PCDHGA6: variants seen among roughly 807,000 people sequenced by gnomAD.
PCDHGA6 encodes protocadherin gamma subfamily A, 6.
PCDHGA6 carries 41 observed loss-of-function variants against 60.6 expected under a neutral mutation model. The observed-to-expected ratio is 0.68, with a 90% CI of 0.53 to 0.88. The LOEUF (loss-of-function observed/expected upper bound fraction) is 0.88. Among genes scored for constraint, PCDHGA6 ranks in the 40% least tolerant of loss-of-function variants. The pLI, the probability that PCDHGA6 is intolerant of heterozygous loss-of-function variation, is 0.00. For synonymous variants in PCDHGA6, 594 were observed against 524.4 expected (o/e 1.13, Z -1.81); for missense variants, 1,312 against 1,203.0 (o/e 1.09, Z -1.34).
chr5:141,439,443 G>A (rs867907022), intron 1 of PCDHGA6, among the ~76,000 whole-genome samples: 1 of 152,164 alleles, frequency 6.6e-6, no homozygotes, highest in Non-Finnish European at 1.5e-5. Flanking sequence ...ATATTTTATT[G>A]CGGGAGCAAG....
rs144585584 is a variant in PCDHGA6 at position 141,478,339 on chromosome 5, C to T, written c.2425-16468C>T. 998 of 1,613,918 alleles carry T rather than the reference C, an allele frequency of 6.2e-4. 16 individuals carry two copies. In the East Asian group the frequency reaches 0.019, roughly 31 times the overall value. Reference sequence around the variant, plus strand: ...CACTGTACCGAACACCAGGGCCCTCCTTGCACGCGGACGCCGTGCGGGGAG... The same window carrying T: ...CACTGTACCGAACACCAGGGCCCTCTTTGCACGCGGACGCCGTGCGGGGAG... On this transcript the variant is annotated intron_variant, in intron 1 of 3. Transcript: ENST00000517434.
intron 1 of PCDHGA6, among the ~76,000 whole-genome samples, chr5:141,453,193 A>G (rs2098757675): frequency 6.6e-6 from 1 of 152,142 alleles, no homozygotes; most frequent in Admixed American, 6.5e-5. Context: ...AGCTCACTGC[A>G]GCCTCAACCT....
At chr5:141,438,305 G>T (rs1287488865) in intron 1 of PCDHGA6, among the ~76,000 whole-genome samples, 2 of 151,822 alleles carry the variant, frequency 1.3e-5, no homozygotes, top group East Asian at 1.9e-4. Context: ...AAAGAAGTTG[G>T]TACCACCATA....
chr5:141,430,914 T>G (rs750607631), intron 1 of PCDHGA6: 1 of 1,607,676 alleles, frequency 6.2e-7, no homozygotes, highest in Non-Finnish European at 8.5e-7. Context: ...TCCAGGGACC[T>G]GGGGCTGGAG....
intron 1 of PCDHGA6, chr5:141,478,687 A>G: frequency 6.4e-7 from 1 of 1,551,218 alleles, no homozygotes; most frequent in Middle Eastern, 1.7e-4. Context: ...CCCTTCCTAG[A>G]TCAAAGTTAG....
At position 141,431,211 on chromosome 5, in the gene PCDHGA6, G is replaced by C. The variant is rs1054638121; in HGVS notation, c.2424+54704G>C. Reference sequence around the variant, plus strand: ...AGTGAAAATGCAGCCACTGAGATGCGGTTCCCTCTACCCCACGCCTGGGAT... The same window carrying C: ...AGTGAAAATGCAGCCACTGAGATGCCGTTCCCTCTACCCCACGCCTGGGAT... On this transcript the variant is annotated intron_variant, in intron 1 of 3. Coordinates refer to ENST00000517434, the MANE Select transcript of PCDHGA6 (RefSeq NM_018919.3). This position sits in a 1 kb window ranked among gnomAD's most constrained non-coding sequence, Gnocchi z 4.8. 1.2e-6 allele frequency: 2 copies of C among 1,614,122 alleles called. No individual in the cohort carries two copies. Among genetic ancestry groups the C allele is most frequent in the Non-Finnish European group, 1.7e-6 (2 of 1,180,036 alleles).
intron 1 of PCDHGA6, chr5:141,392,398 C>T (rs926356717): frequency 1.3e-5 from 2 of 155,550 alleles, no homozygotes; most frequent in African/African-American, 4.8e-5. Context: ...CATTTAATAA[C>T]ACTAAATAAA....
chr5:141,423,116 C>T (rs374000303), intron 1 of PCDHGA6: 210 of 1,613,682 alleles, frequency 1.3e-4, no homozygotes, highest in Middle Eastern at 4.9e-4. Context: ...GTGCGTACAG[C>T]GCGGGCACTG....
At chr5:141,386,929 A>G (rs1329848875) in intron 1 of PCDHGA6, among the ~76,000 whole-genome samples, 1 of 152,216 alleles carries the variant, frequency 6.6e-6, no homozygotes, top group Non-Finnish European at 1.5e-5. Context: ...AAATAAGTGC[A>G]GAGGTAGGAA....
chr5:141,490,419 G>C lies in PCDHGA6; in HGVS notation c.2425-4388G>C. The C allele has an allele frequency of 6.2e-7, 1 of 1,614,170 alleles. No homozygotes were observed. Among genetic ancestry groups the C allele is most frequent in the Non-Finnish European group, 8.5e-7 (1 of 1,180,020 alleles). ...TGAGCCTTGATATCTCTCCGGACCT[G>C]CCATTTCAGATTAAGCCTTCTGAGA... On this transcript the variant is annotated intron_variant, in intron 1 of 3. Transcript: ENST00000517434. The surrounding 1 kb of genome is among the most constrained non-coding windows in gnomAD (Gnocchi z 5.4).
At chr5:141,419,904 C>G (rs2096446397) in intron 1 of PCDHGA6, 2 of 1,614,108 alleles carry the variant, frequency 1.2e-6, no homozygotes, top group Non-Finnish European at 1.7e-6. Flanking sequence ...CCCACACCCT[C>G]TGACTCCCAG....
chr5:141,453,545 A>T (rs2098768582), intron 1 of PCDHGA6, among the ~76,000 whole-genome samples: 1 of 151,998 alleles, frequency 6.6e-6, no homozygotes, highest in African/African-American at 2.4e-5. Flanking sequence ...TTCACACCAC[A>T]CTCTGTAGAT....
intron 1 of PCDHGA6, chr5:141,394,519 C>T: frequency 6.2e-7 from 1 of 1,614,240 alleles, no homozygotes; most frequent in Non-Finnish European, 8.5e-7. Flanking sequence ...GCCCTCCCCA[C>T]AGACGGTTCC....
chr5:141,487,477 C>A lies in PCDHGA6; in HGVS notation c.2425-7330C>A, dbSNP rs748435479. On this transcript the variant is annotated intron_variant, in intron 1 of 3. Transcript: ENST00000517434. The surrounding 1 kb of genome is among the most constrained non-coding windows in gnomAD (Gnocchi z 5.0). ...TCAAGTTTGTTGATGTGGGAGGCCA[C>A]TCTCATGGCTGTACACCCTTGGCTT... 1 of 1,614,200 alleles carries A rather than the reference C, an allele frequency of 6.2e-7. No individual in the cohort carries two copies. The highest frequency in any genetic ancestry group is 1.7e-5 in the Admixed American group (1 of 60,030).
At position 141,486,883 on chromosome 5, in the gene PCDHGA6, C is replaced by G. The variant is rs1234866888; in HGVS notation, c.2425-7924C>G. The G allele has an allele frequency of 1.2e-6, 2 of 1,614,214 alleles. No individual in the cohort carries two copies. ...CTCCAGCTGTGCTCCGTCCTCGGGC[C>G]CGGCCTGGTTCCTTATGTCCCCAAG... On this transcript the variant is annotated intron_variant, in intron 1 of 3. Coordinates refer to ENST00000517434, the MANE Select transcript of PCDHGA6 (RefSeq NM_018919.3). The surrounding 1 kb of genome is among the most constrained non-coding windows in gnomAD (Gnocchi z 5.0).
chr5:141,473,349 T>G (rs2099319716), intron 1 of PCDHGA6, among the ~76,000 whole-genome samples: 1 of 152,232 alleles, frequency 6.6e-6, no homozygotes, highest in Non-Finnish European at 1.5e-5. Context: ...ACAGTGAGGA[T>G]GCAAGTGGCC....
chr5:141,456,285 G>T (rs2098848223), intron 1 of PCDHGA6, among the ~76,000 whole-genome samples: 1 of 152,134 alleles, frequency 6.6e-6, no homozygotes, highest in Non-Finnish European at 1.5e-5. Flanking sequence ...GCTGAAAAGG[G>T]GCGTCTAATG....
chr5:141,498,042 A>G (rs1189035278), intron 2 of PCDHGA6, among the ~76,000 whole-genome samples: 2 of 152,238 alleles, frequency 1.3e-5, no homozygotes, highest in Non-Finnish European at 2.9e-5. Flanking sequence ...AATAATTACA[A>G]AAATAAATGT....
At chr5:141,411,895 A>G (rs945335839) in intron 1 of PCDHGA6, 1 of 152,254 alleles carries the variant, frequency 6.6e-6, no homozygotes, top group Non-Finnish European at 1.5e-5. Context: ...TAAATGAAAT[A>G]CTATTGCCTT....
Sources: allele counts gnomAD v4.1 joint callset (sites outside exome capture counted in the v4.1 genomes callset), GRCh38; gene constraint gnomAD v4.1.1; non-coding constraint Gnocchi (gnomAD v3.1); transcripts MANE v1.5; gene names NCBI Gene and HGNC (gene_info 2026-07-23, HGNC 2026-07-21).